GPR137: variants seen among roughly 807,000 people sequenced by gnomAD.
The protein encoded by GPR137 is G protein-coupled receptor 137, also known as integral membrane protein GPR137.
In GPR137, 20 loss-of-function variants were observed where a neutral mutation model predicts 38.9. That is an observed-to-expected ratio of 0.51 (90% CI 0.36 to 0.75). GPR137 has a LOEUF of 0.75. GPR137 is among the 30% of genes least tolerant of loss of function. The pLI, the probability that GPR137 is intolerant of heterozygous loss-of-function variation, is 0.00. For missense variants in GPR137, 456 were observed against 526.4 expected, an observed-to-expected ratio of 0.87 and a Z score of 1.31; for synonymous variants, 226 against 235.8, an observed-to-expected ratio of 0.96 and a Z score of 0.38.
In GPR137 at chr11:64,289,006, T is replaced by C. The variant is rs1473208931; in HGVS notation, c.1032-31T>C. ...CTTGTGACTGTGGCCCTGGTCACTG[T>C]CCTGAGACTGACCCTGTTTCTCTGC... On this transcript the variant is annotated intron_variant, in intron 6 of 6. Coordinates refer to ENST00000438980, the MANE Select transcript of GPR137 (RefSeq NM_001170880.2). 2.0e-6 allele frequency: 3 copies of C among 1,501,618 alleles called. No individual in the cohort carries two copies. The Admixed American group carries it at 6.2e-5, about 31-fold the overall frequency. The allele number at this position is 1,501,618 out of a possible 1,614,324, so 93.0% of individuals were successfully genotyped here.
upstream of GPR137, among the ~76,000 whole-genome samples, chr11:64,275,318 CCT>C (rs1321060846): frequency 6.6e-6 from 1 of 152,174 alleles, no homozygotes; most frequent in African/African-American, 2.4e-5. Flanking sequence ...ACGGAACAGG[CCT>C]GTCTGCAGAG....
chr11:64,288,839 G>C lies in GPR137; in HGVS notation c.1031+118G>C, dbSNP rs1421099743. 7.0e-7 allele frequency: 1 copy of C among 1,434,732 alleles called. No homozygotes were observed. Among genetic ancestry groups the C allele is most frequent in the East Asian group, 2.5e-5 (1 of 39,412 alleles). The allele number at this position is 1,434,732 out of a possible 1,614,324, so 88.9% of individuals were successfully genotyped here. On this transcript the variant is annotated intron_variant, in intron 6 of 6. Coordinates refer to ENST00000438980, the MANE Select transcript of GPR137 (RefSeq NM_001170880.2). The surrounding 1 kb of genome is among the most constrained non-coding windows in gnomAD (Gnocchi z 5.5). ...GCCTTCCACCCCTGCCATGGCCTTTGCTTCCCCATCTGTACTAGGTGAGGT... is the reference window on the plus strand; with the variant it reads ...GCCTTCCACCCCTGCCATGGCCTTTCCTTCCCCATCTGTACTAGGTGAGGT...
At chr11:64,276,958 C>T in intron 2 of GPR137, 2 of 753,166 alleles carry the variant, frequency 2.7e-6, no homozygotes, top group Non-Finnish European at 4.9e-6. Flanking sequence ...CTGGGGCGGA[C>T]ATCCCTGCTG....
At chr11:64,284,751 G>T, upstream of GPR137, 1 of 1,535,646 alleles carries the variant, frequency 6.5e-7, no homozygotes, top group Non-Finnish European at 8.7e-7. Context: ...TCACCTCTCG[G>T]AACGTCACTC....
chr11:64,289,499 T>C, downstream of GPR137: 7 of 1,342,178 alleles, frequency 5.2e-6, no homozygotes, highest in Non-Finnish European at 7.0e-6. Flanking sequence ...CCCACAGTTG[T>C]GCACCTGTCT....
intron 6 of GPR137, 29 bp from the exon 7 acceptor site, chr11:64,289,008 C>A: frequency 6.6e-7 from 1 of 1,503,894 alleles, no homozygotes; most frequent in Non-Finnish European, 8.9e-7. Context: ...GGTCACTGTC[C>A]TGAGACTGAC....
upstream of GPR137, among the ~76,000 whole-genome samples, chr11:64,281,158 G>A (rs192079652): frequency 2.4e-4 from 37 of 152,122 alleles, no homozygotes; most frequent in Non-Finnish European, 4.1e-4. Flanking sequence ...TAGTGGAGAC[G>A]GGGTTCACCG....
rs1183544351 is a variant in GPR137 at position 64,286,113 on chromosome 11, G to A, written c.-412G>A. ...CGGGGCATTGGGCGCCCCTCGCAGC[G>A]GCCGCTGCCCTGACCCGACGGGTAT... On this transcript the variant is annotated 5_prime_UTR_variant, in exon 1 of 7. Transcript: ENST00000438980. 3.0e-6 allele frequency: 3 copies of A among 1,003,490 alleles called. No individual in the cohort carries two copies. Among genetic ancestry groups the A allele is most frequent in the Middle Eastern group, 4.9e-4 (1 of 2,022 alleles). The allele number at this position is 1,003,490 out of a possible 1,614,324, so 62.2% of individuals were successfully genotyped here.
At chr11:64,279,650 C>CT (rs1331597577), upstream of GPR137, among the ~76,000 whole-genome samples, 1 of 151,142 alleles carries the variant, frequency 6.6e-6, no homozygotes, top group Non-Finnish European at 1.5e-5. Flanking sequence ...GTAATCCCAG[C>CT]TACTGGGGAG....
chr11:64,284,756 T>G (rs1273311185), upstream of GPR137: 9 of 1,534,922 alleles, frequency 5.9e-6, no homozygotes, highest in Non-Finnish European at 6.1e-6. Flanking sequence ...TCTCGGAACG[T>G]CACTCGGGTA....
Position 64,289,485 on chromosome 11 carries a change from G to C in GPR137, c.*289G>C. 1 of 1,437,132 alleles carries C rather than the reference G, an allele frequency of 7.0e-7. No individual in the cohort carries two copies. Among genetic ancestry groups the C allele is most frequent in the Non-Finnish European group, 9.2e-7 (1 of 1,084,984 alleles). 89.0% of individuals were successfully genotyped at this position (1,437,132 alleles called of 1,614,324 possible). On this transcript the variant is annotated 3_prime_UTR_variant, in exon 7 of 7. Coordinates refer to ENST00000438980, the MANE Select transcript of GPR137 (RefSeq NM_001170880.2). ...GCCTGCCACTCAATAAACAGTGTCTGCGCCCCACAGTTGTGCACCTGTCTG... is the reference window on the plus strand; with the variant it reads ...GCCTGCCACTCAATAAACAGTGTCTCCGCCCCACAGTTGTGCACCTGTCTG...
At chr11:64,289,003 C>T in intron 6 of GPR137, 34 bp from the exon 7 acceptor site, 2 of 1,491,118 alleles carry the variant, frequency 1.3e-6, no homozygotes, top group East Asian at 2.5e-5. Flanking sequence ...GCCCTGGTCA[C>T]TGTCCTGAGA....
upstream of GPR137, chr11:64,285,297 C>T (rs1014858469): frequency 1.2e-5 from 12 of 985,682 alleles, no homozygotes; most frequent in Non-Finnish European, 1.4e-5. Flanking sequence ...GATGGCTGCC[C>T]GGGCGCGGGA....
At chr11:64,286,918 G>C in intron 1 of GPR137, 37 bp downstream of exon 1, 1 of 1,612,588 alleles carries the variant, frequency 6.2e-7, no homozygotes, top group South Asian at 1.1e-5. Flanking sequence ...GGCGGGAGGT[G>C]GCAAGCCTCA....
At position 64,286,154 on chromosome 11, in the gene GPR137, C is replaced by T. The variant is rs765078878; in HGVS notation, c.-371C>T. ...CGACGGGTATCAGCCGGCTCTCCCCCTCCACCCAGGACGACATGAACGACC... is the reference window on the plus strand; with the variant it reads ...CGACGGGTATCAGCCGGCTCTCCCCTTCCACCCAGGACGACATGAACGACC... On this transcript the variant is annotated 5_prime_UTR_variant, in exon 1 of 7. Transcript: ENST00000438980. 594 of 1,036,572 alleles carry T rather than the reference C, an allele frequency of 5.7e-4. No individual in the cohort carries two copies. The highest frequency in any genetic ancestry group is 6.5e-4 in the Non-Finnish European group (563 of 863,324). The allele number at this position is 1,036,572 out of a possible 1,614,324, so 64.2% of individuals were successfully genotyped here. A position where few individuals can be genotyped will look rare whatever the true frequency, so the allele number is the denominator to read the frequency against.
chr11:64,270,610 A>G (rs1821840691), exon 1 of GPR137: 1 of 670,450 alleles, frequency 1.5e-6, no homozygotes, highest in Non-Finnish European at 2.7e-6. Flanking sequence ...CTGGAGACCT[A>G]GCACCCAGAA....
upstream of GPR137, among the ~76,000 whole-genome samples, chr11:64,280,335 T>TAA (rs1394429601): frequency 7.7e-6 from 1 of 129,420 alleles, no homozygotes; most frequent in African/African-American, 2.8e-5. Context: ...TAAAATAAAA[T>TAA]AATAATAATA....
upstream of GPR137, among the ~76,000 whole-genome samples, chr11:64,283,473 G>T (rs1356193647): frequency 6.6e-6 from 1 of 152,214 alleles, no homozygotes. Context: ...CTTCCATCTT[G>T]GAGCCTGTGC....
chr11:64,273,130 A>G (rs1478516130), upstream of GPR137, among the ~76,000 whole-genome samples: 1 of 152,218 alleles, frequency 6.6e-6, no homozygotes, highest in Non-Finnish European at 1.5e-5. Flanking sequence ...GCACTTTGGG[A>G]GGCCAAGGCA....
Sources: allele counts gnomAD v4.1 joint callset (sites outside exome capture counted in the v4.1 genomes callset), GRCh38; gene constraint gnomAD v4.1.1; non-coding constraint Gnocchi (gnomAD v3.1); transcripts MANE v1.5; gene names NCBI Gene and HGNC (gene_info 2026-07-23, HGNC 2026-07-21).